CCSER1: variants seen among roughly 807,000 people sequenced by gnomAD.
CCSER1 encodes the protein serine-rich coiled-coil domain-containing protein 1.
CCSER1 carries 41 observed loss-of-function variants against 82.0 expected under a neutral mutation model. The observed-to-expected ratio is 0.50, with a 90% CI of 0.39 to 0.65. CCSER1 has a LOEUF of 0.65. Ranked by LOEUF, CCSER1 falls within the 30% of genes least tolerant of loss-of-function variation. CCSER1 has a pLI of 0.00. For missense variants in CCSER1, 1,119 were observed against 1,064.2 expected (o/e 1.05, Z -0.72); for synonymous variants, 414 against 383.9 (o/e 1.08, Z -0.92).
At chr4:91,259,700 T>C (rs2149163278) in intron 10 of CCSER1, among the ~76,000 whole-genome samples, 1 of 152,204 alleles carries the variant, frequency 6.6e-6, no homozygotes. Context: ...TGTTTGATTT[T>C]CTGTCCCTGT....
At position 90,484,761 on chromosome 4, in the gene CCSER1, C is replaced by G. The variant is rs187749335; in HGVS notation, c.1724+16407C>G. 1.9e-4 allele frequency among the ~76,000 whole-genome samples: 29 copies of G among 152,232 alleles called. No individual in the cohort carries two copies. The East Asian group carries it at 3.3e-3, about 17-fold the overall frequency. On this transcript the variant is annotated intron_variant, in intron 5 of 10. Coordinates refer to ENST00000509176, the MANE Select transcript of CCSER1 (RefSeq NM_001145065.2). ...TTGTCTCAGAGGAGTACCTGGCCGG[C>G]TGTGTGATATGTCAATCTGCCCCTA...
intron 1 of CCSER1, among the ~76,000 whole-genome samples, chr4:90,273,031 A>G (rs1039072915): frequency 6.6e-6 from 1 of 151,376 alleles, no homozygotes; most frequent in African/African-American, 2.4e-5. Flanking sequence ...ACAAAAAAAA[A>G]CAGAACTATG....
chr4:90,485,697 C>T (rs1281468449), intron 5 of CCSER1, among the ~76,000 whole-genome samples: 1 of 152,106 alleles, frequency 6.6e-6, no homozygotes, highest in Non-Finnish European at 1.5e-5. Context: ...TTCCTTTCTT[C>T]CACCCTCCAG....
chr4:91,504,152 A>C (rs1245248440), intron 10 of CCSER1, among the ~76,000 whole-genome samples: 1 of 152,240 alleles, frequency 6.6e-6, no homozygotes, highest in East Asian at 1.9e-4. Flanking sequence ...AAAGTACAAC[A>C]GACACAATAC....
intron 10 of CCSER1, among the ~76,000 whole-genome samples, chr4:91,548,299 C>T (rs1259882968): frequency 6.6e-6 from 1 of 152,126 alleles, no homozygotes; most frequent in Non-Finnish European, 1.5e-5. Context: ...CCAAACTGTC[C>T]CTTGTATCAT....
chr4:91,417,190 T>G (rs1753417747), intron 10 of CCSER1, among the ~76,000 whole-genome samples: 1 of 152,112 alleles, frequency 6.6e-6, no homozygotes, highest in Non-Finnish European at 1.5e-5. Flanking sequence ...TGATGATTAT[T>G]AAAAAATCAA....
At chr4:90,775,064 T>G (rs139744929) in intron 7 of CCSER1, among the ~76,000 whole-genome samples, 2 of 152,212 alleles carry the variant, frequency 1.3e-5, no homozygotes, top group East Asian at 3.9e-4. Context: ...CTATTTGAGT[T>G]CTCCTATAAT....
intron 3 of CCSER1, among the ~76,000 whole-genome samples, chr4:90,326,888 G>A (rs1466669969): frequency 6.6e-6 from 1 of 152,150 alleles, no homozygotes; most frequent in Non-Finnish European, 1.5e-5. Context: ...ATCTCAATAT[G>A]AAGCATCTCC....
chr4:91,458,722 C>A (rs1407159064), intron 10 of CCSER1, among the ~76,000 whole-genome samples: 1 of 152,044 alleles, frequency 6.6e-6, no homozygotes, highest in Non-Finnish European at 1.5e-5. Context: ...ATAGATCTTG[C>A]ACTTATTTGC....
intron 7 of CCSER1, among the ~76,000 whole-genome samples, chr4:90,811,061 T>C (rs1463914031): frequency 6.6e-6 from 1 of 152,036 alleles, no homozygotes; most frequent in Non-Finnish European, 1.5e-5. Context: ...CTCGATCTCC[T>C]GTCTCCTGAC....
chr4:90,692,680 G>T (rs1736213134), intron 6 of CCSER1, among the ~76,000 whole-genome samples: 1 of 150,552 alleles, frequency 6.6e-6, no homozygotes, highest in Non-Finnish European at 1.5e-5. Flanking sequence ...AACATAATTA[G>T]AATAATTCAA....
At chr4:90,458,293 C>G (rs970188806) in intron 4 of CCSER1, among the ~76,000 whole-genome samples, 9 of 152,178 alleles carry the variant, frequency 5.9e-5, no homozygotes, top group Non-Finnish European at 1.3e-4. Flanking sequence ...CAACCAGCAT[C>G]TTCACAGCCA....
intron 10 of CCSER1, among the ~76,000 whole-genome samples, chr4:91,235,727 G>A (rs1013980972): frequency 1.3e-5 from 2 of 151,802 alleles, no homozygotes; most frequent in African/African-American, 4.8e-5. Context: ...CAATTAGAAG[G>A]CGTTCTTTTG....
chr4:90,491,991 G>A (rs912815479), intron 5 of CCSER1, among the ~76,000 whole-genome samples: 1 of 152,012 alleles, frequency 6.6e-6, no homozygotes, highest in Admixed American at 6.6e-5. Context: ...TTTTTGTTGT[G>A]TCTCTGCCAG....
chr4:91,070,834 A>T (rs180844289), intron 9 of CCSER1, among the ~76,000 whole-genome samples: 1 of 152,332 alleles, frequency 6.6e-6, no homozygotes, highest in Admixed American at 6.5e-5. Flanking sequence ...TGGTATTAAC[A>T]ATTTTAAAAA....
At chr4:90,436,694 A>T (rs1426319629) in intron 4 of CCSER1, among the ~76,000 whole-genome samples, 1 of 152,230 alleles carries the variant, frequency 6.6e-6, no homozygotes, top group Non-Finnish European at 1.5e-5. Context: ...TTATATACAC[A>T]TCTATAGAAT....
At chr4:90,508,415 T>C in intron 5 of CCSER1, among the ~76,000 whole-genome samples, 1 of 152,054 alleles carries the variant, frequency 6.6e-6, no homozygotes, top group Admixed American at 6.6e-5. Flanking sequence ...TGTTTCTAGA[T>C]GAAACAAACT....
chr4:90,961,504 GAAT>G (rs931770578), intron 9 of CCSER1, among the ~76,000 whole-genome samples: 1 of 151,916 alleles, frequency 6.6e-6, no homozygotes, highest in African/African-American at 2.4e-5. Context: ...AGACAAAATA[GAAT>G]AATATGTTGA....
chr4:90,653,850 A>G (rs1029980620), intron 6 of CCSER1, among the ~76,000 whole-genome samples: 3 of 152,162 alleles, frequency 2.0e-5, no homozygotes, highest in African/African-American at 4.8e-5. Flanking sequence ...GAGACTGGGT[A>G]ATTTATGAAG....
Sources: allele counts gnomAD v4.1 joint callset (sites outside exome capture counted in the v4.1 genomes callset), GRCh38; gene constraint gnomAD v4.1.1; transcripts MANE v1.5; gene names NCBI Gene and HGNC (gene_info 2026-07-23, HGNC 2026-07-21).